The following C11orf16 variants were observed in gnomAD, a reference collection of about 807,000 sequenced individuals.
C11orf16 encodes the protein uncharacterized protein C11orf16.
C11orf16 carries 38 observed loss-of-function variants against 45.1 expected under a neutral mutation model. The observed-to-expected ratio is 0.84, with a 90% CI of 0.65 to 1.10. C11orf16 has a LOEUF of 1.10. Among genes scored for constraint, C11orf16 ranks in the 50% least tolerant of loss-of-function variants. C11orf16 has a pLI of 0.00. For synonymous variants in C11orf16, 221 were observed against 222.0 expected (o/e 1.00, Z 0.04); for missense variants, 583 against 569.5 (o/e 1.02, Z -0.24).
chr11:8,927,377 C>T (rs1276418161), intron 3 of C11orf16: 15 of 595,000 alleles, frequency 2.5e-5, no homozygotes, highest in East Asian at 5.6e-5. Flanking sequence ...GTTGTGCTCC[C>T]CTGAATCTCT....
intron 3 of C11orf16, among the ~76,000 whole-genome samples, chr11:8,927,943 C>T (rs745839707): frequency 1.3e-5 from 2 of 152,080 alleles, no homozygotes; most frequent in Non-Finnish European, 2.9e-5. Flanking sequence ...GAGTTTCGCT[C>T]GTCACCCAGG....
chr11:8,923,903 C>T (rs1043661415), intron 5 of C11orf16, among the ~76,000 whole-genome samples: 2 of 141,528 alleles, frequency 1.4e-5, no homozygotes, highest in East Asian at 2.3e-4. Flanking sequence ...CTGTGCCCAG[C>T]GAAATCGCCA....
intron 5 of C11orf16, among the ~76,000 whole-genome samples, chr11:8,923,802 CT>C (rs1341104645): frequency 3.9e-5 from 6 of 151,970 alleles, no homozygotes; most frequent in African/African-American, 1.2e-4. Flanking sequence ...CGGGGTTTCA[CT>C]TTGTTGGTCA....
Position 8,932,161 on chromosome 11 carries a change from C to A in C11orf16, c.148G>T (p.Gly50Trp). The A allele has an allele frequency of 6.3e-7, 1 of 1,584,394 alleles. No individual in the cohort carries two copies. Among genetic ancestry groups the A allele is most frequent in the Non-Finnish European group, 8.6e-7 (1 of 1,165,836 alleles). ...PFALQAPWLTGHKPLARHASS... is the reference protein window; with the variant it reads ...PFALQAPWLTWHKPLARHASS... ...AGGTACCTTGCAAGGGGCTTGTGCCCGGTGAGCCAGGGTGCTTGGAGGGCA... is the reference window on the plus strand; with the variant it reads ...AGGTACCTTGCAAGGGGCTTGTGCCAGGTGAGCCAGGGTGCTTGGAGGGCA... Residue 50 changes from glycine (G) to tryptophan (W), a missense_variant, in exon 2 of 7, where the codon GGG (glycine) becomes TGG (tryptophan). Physicochemically the swap from Gly to Trp is radical, Grantham distance 184. Coordinates refer to ENST00000326053, the MANE Select transcript of C11orf16 (RefSeq NM_020643.3).
chr11:8,926,190 T>TTC, intron 4 of C11orf16, 83 bp from the exon 5 acceptor site: 1 of 1,153,178 alleles, frequency 8.7e-7, no homozygotes, highest in Non-Finnish European at 1.2e-6. Flanking sequence ...CTTTTCTTTT[T>TTC]TTTTTTTTTT....
At chr11:8,930,830 T>C (rs2064644962) in intron 2 of C11orf16, among the ~76,000 whole-genome samples, 1 of 152,162 alleles carries the variant, frequency 6.6e-6, no homozygotes, top group East Asian at 1.9e-4. Context: ...TGCAGACCCA[T>C]GCTGAGCTGC....
chr11:8,932,382 C>A (rs926262553), intron 1 of C11orf16, 56 bp from the exon 2 acceptor site: 51 of 1,430,498 alleles, frequency 3.6e-5, no homozygotes, highest in Admixed American at 4.6e-5. Context: ...CAGTGGCCAC[C>A]GGGGCGAGGC....
At chr11:8,923,399 G>A (rs1413706313) in intron 5 of C11orf16, among the ~76,000 whole-genome samples, 1 of 152,168 alleles carries the variant, frequency 6.6e-6, no homozygotes, top group East Asian at 1.9e-4. Flanking sequence ...CCTCTCTGTT[G>A]GGTAGGTACA....
chr11:8,923,493 C>T (rs533385009), intron 5 of C11orf16, among the ~76,000 whole-genome samples: 1 of 152,196 alleles, frequency 6.6e-6, no homozygotes, highest in East Asian at 1.9e-4. Context: ...AGTTCGGTGC[C>T]ATCTTCTTTA....
rs536629345 is a variant in C11orf16 at position 8,925,412 on chromosome 11, G to A, written c.1204+51C>T. On this transcript the variant is annotated intron_variant, in intron 5 of 6. Transcript: ENST00000326053. ...TAAGGGACATGTGGGAGGGAAGGGA[G>A]GCGGGGCCCCAGCCCCTGCCTTAGA... 5 of 1,539,688 alleles carry A rather than the reference G, an allele frequency of 3.2e-6. No homozygotes were observed. In the African/African-American group the frequency reaches 4.1e-5, roughly 13 times the overall value.
At chr11:8,920,586 C>A in intron 6 of C11orf16, 136 bp from the exon 7 acceptor site, 1 of 528,206 alleles carries the variant, frequency 1.9e-6, no homozygotes, top group Non-Finnish European at 3.3e-6. Flanking sequence ...TTTTGGGAAA[C>A]CAAGGCAGGA....
chr11:8,927,072 T>G lies in C11orf16; in HGVS notation c.427A>C (p.Ile143Leu). Reference protein sequence around the residue: ...QQRVVLEEDVIPLSPSVGYSL... With the variant: ...QQRVVLEEDVLPLSPSVGYSL... ...TATCCTACAGATGGTGAGAGAGGAATGACATCCTCTTCTAAGACCACTCTC... is the reference window on the plus strand; with the variant it reads ...TATCCTACAGATGGTGAGAGAGGAAGGACATCCTCTTCTAAGACCACTCTC... Residue 143 changes from isoleucine (I) to leucine (L), a missense_variant, in exon 4 of 7, where the codon ATT becomes CTT. Transcript: ENST00000326053. 1 of 1,614,014 alleles carries G rather than the reference T, an allele frequency of 6.2e-7. No individual in the cohort carries two copies. The highest frequency in any genetic ancestry group is 8.5e-7 in the Non-Finnish European group (1 of 1,179,888).
In C11orf16 at chr11:8,920,365, C is replaced by T; in HGVS notation, c.*108G>A. 1 of 625,944 alleles carries T rather than the reference C, an allele frequency of 1.6e-6. No individual in the cohort carries two copies. The highest frequency in any genetic ancestry group is 2.8e-6 in the Non-Finnish European group (1 of 351,562). 38.8% of individuals were successfully genotyped at this position (625,944 alleles called of 1,614,324 possible). A position where few individuals can be genotyped will look rare whatever the true frequency, so the allele number is the denominator to read the frequency against. On this transcript the variant is annotated 3_prime_UTR_variant, in exon 7 of 7. Transcript: ENST00000326053. ...TGGTTATTTGACTGTTACCTGTGGC[C>T]TGTCCTCTGCCTCCTTCCGTTGAAG...
rs1006484670 is a variant in C11orf16, at chr11:8,926,798, T to C, written c.559+142A>G. On this transcript the variant is annotated intron_variant, in intron 4 of 6. Transcript: ENST00000326053. ...AGGCATCTGTTGCTGCCCTCAAGAT[T>C]AAGCAGCAAGCAAGGGGGAAAAATT... 1.6e-5 allele frequency: 10 copies of C among 620,168 alleles called. No homozygotes were observed. The Admixed American group carries it at 2.9e-4, about 18-fold the overall frequency. The allele number at this position is 620,168 out of a possible 1,614,324, so 38.4% of individuals were successfully genotyped here. A position where few individuals can be genotyped will look rare whatever the true frequency, so the allele number is the denominator to read the frequency against.
chr11:8,926,894 G>T, intron 4 of C11orf16, 46 bp downstream of exon 4: 1 of 1,508,078 alleles, frequency 6.6e-7, no homozygotes, highest in Non-Finnish European at 9.2e-7. Context: ...CCTGATTACA[G>T]CCTGGCTCCT....
rs758063589 is a variant in C11orf16, at chr11:8,925,725, C to A, written c.942G>T (p.Gln314His). The change falls in exon 5 of 7, where the codon CAG (glutamine) becomes CAT (histidine). Residue 314 changes from glutamine (Q) to histidine (H), a missense_variant. Physicochemically the swap from Gln to His is conservative, Grantham distance 24. Coordinates refer to ENST00000326053, the MANE Select transcript of C11orf16 (RefSeq NM_020643.3). Reference protein sequence around the residue: ...RELPELEPTAQLLPLEGPKEE... With the variant: ...RELPELEPTAHLLPLEGPKEE... Reference sequence around the variant, plus strand: ...CTTTAGGACCTTCCAGGGGCAAAAGCTGTGCTGTGGGCTCCAACTCTGGAA... The same window carrying A: ...CTTTAGGACCTTCCAGGGGCAAAAGATGTGCTGTGGGCTCCAACTCTGGAA... The A allele has an allele frequency of 4.3e-6, 7 of 1,614,260 alleles. No individual in the cohort carries two copies. Among genetic ancestry groups the A allele is most frequent in the Non-Finnish European group, 5.1e-6 (6 of 1,180,034 alleles).
At chr11:8,922,573 A>G (rs150166114) in intron 5 of C11orf16, among the ~76,000 whole-genome samples, 1 of 152,214 alleles carries the variant, frequency 6.6e-6, no homozygotes, top group African/African-American at 2.4e-5. Context: ...ATTAGGATCT[A>G]ATTGGAACCT....
chr11:8,931,609 C>T (rs1002131081), intron 2 of C11orf16, among the ~76,000 whole-genome samples: 14 of 152,138 alleles, frequency 9.2e-5, no homozygotes, highest in African/African-American at 3.4e-4. Context: ...ACGCTGGTCT[C>T]GAACTCCTGA....
chr11:8,928,198 G>A (rs1016076912), intron 3 of C11orf16, among the ~76,000 whole-genome samples: 3 of 152,028 alleles, frequency 2.0e-5, no homozygotes, highest in Middle Eastern at 3.4e-3. Flanking sequence ...GTGAGCAACC[G>A]CACCTGGCCA....
Sources: gnomAD v4.1 joint callset for allele counts (sites outside exome capture counted in the v4.1 genomes callset) on GRCh38, gnomAD v4.1.1 for gene constraint, MANE v1.5 for transcripts, NCBI Gene and HGNC (gene_info 2026-07-23, HGNC 2026-07-21) for gene names.